The following MACROD2 variants were observed in gnomAD, a reference collection of about 807,000 sequenced individuals.
MACROD2 encodes the protein mono-ADP ribosylhydrolase 2.
Under a neutral mutation model 70.4 loss-of-function variants are expected in MACROD2, and 36 were observed. That is an observed-to-expected ratio of 0.51 (90% confidence interval 0.39 to 0.68). MACROD2 has a LOEUF of 0.68. MACROD2 is among the 30% of genes least tolerant of loss of function. The pLI is 0.00. For synonymous variants in MACROD2, 172 were observed against 178.8 expected, an observed-to-expected ratio of 0.96 and a Z score of 0.30; for missense variants, 496 against 538.4, an observed-to-expected ratio of 0.92 and a Z score of 0.78.
intron 5 of MACROD2, among the ~76,000 whole-genome samples, chr20:14,898,466 C>T (rs368686275): frequency 4.1e-4 from 63 of 152,236 alleles, no homozygotes; most frequent in Middle Eastern, 3.4e-3. Flanking sequence ...CCGTGGCTCA[C>T]GCGTATAATC....
chr20:15,732,570 G>A (rs1460065789), intron 8 of MACROD2, among the ~76,000 whole-genome samples: 1 of 152,148 alleles, frequency 6.6e-6, no homozygotes, highest in East Asian at 1.9e-4. Context: ...TTTATTTAAT[G>A]AATTAGAATA....
chr20:15,187,084 G>T (rs561889577), intron 5 of MACROD2, among the ~76,000 whole-genome samples: 1 of 152,150 alleles, frequency 6.6e-6, no homozygotes, highest in East Asian at 1.9e-4. Context: ...AAGAGCCAGC[G>T]ACATGATTGA....
chr20:15,146,940 T>C (rs771098139), intron 5 of MACROD2, among the ~76,000 whole-genome samples: 6 of 152,196 alleles, frequency 3.9e-5, no homozygotes, highest in Non-Finnish European at 7.3e-5. Flanking sequence ...GCCTTACTTG[T>C]TTCAATCATT....
chr20:15,341,770 A>G (rs530800239), intron 6 of MACROD2, among the ~76,000 whole-genome samples: 1 of 152,294 alleles, frequency 6.6e-6, no homozygotes, highest in East Asian at 1.9e-4. Flanking sequence ...AGGCATTAAG[A>G]CTATGCATGG....
chr20:15,300,040 A>G (rs1335584071), intron 6 of MACROD2, among the ~76,000 whole-genome samples: 2 of 152,210 alleles, frequency 1.3e-5, no homozygotes, highest in Non-Finnish European at 2.9e-5. Context: ...CACTTGACGT[A>G]GTCCATGATA....
At chr20:15,740,892 C>G (rs879904706) in intron 8 of MACROD2, among the ~76,000 whole-genome samples, 3 of 152,014 alleles carry the variant, frequency 2.0e-5, no homozygotes, top group Admixed American at 6.6e-5. Flanking sequence ...ATCTCCACTG[C>G]TCGCGTGCTA....
At chr20:14,535,665 A>C (rs2085355696) in intron 4 of MACROD2, among the ~76,000 whole-genome samples, 1 of 152,102 alleles carries the variant, frequency 6.6e-6, no homozygotes, top group Admixed American at 6.6e-5. Flanking sequence ...GGGCAGAATT[A>C]ATTATGCATT....
At chr20:14,959,858 G>A (rs111456110) in intron 5 of MACROD2, among the ~76,000 whole-genome samples, 2 of 152,130 alleles carry the variant, frequency 1.3e-5, no homozygotes, top group African/African-American at 4.8e-5. Flanking sequence ...AAAAGGCCAC[G>A]ACTTTAGAAA....
intron 5 of MACROD2, among the ~76,000 whole-genome samples, chr20:15,177,901 C>T (rs1026345595): frequency 6.6e-5 from 10 of 150,956 alleles, no homozygotes; most frequent in African/African-American, 2.4e-4. Flanking sequence ...TTTGCTTACC[C>T]TAGATGCACA....
chr20:15,478,810 A>G (rs1248211916), intron 7 of MACROD2, among the ~76,000 whole-genome samples: 2 of 152,186 alleles, frequency 1.3e-5, no homozygotes, highest in Non-Finnish European at 2.9e-5. Context: ...CCTTGGAAAG[A>G]TTCAAGAGAC....
intron 3 of MACROD2, among the ~76,000 whole-genome samples, chr20:14,332,117 A>G (rs999184596): frequency 3.3e-5 from 5 of 152,274 alleles, no homozygotes; most frequent in African/African-American, 1.2e-4. Context: ...AAAAGAAGAA[A>G]AACATAACCA....
In MACROD2 at chr20:15,171,756, A is replaced by G. The variant is rs907421950; in HGVS notation, c.419-58184A>G. On this transcript the variant is annotated intron_variant, in intron 5 of 17. Transcript: ENST00000684519. The stretch of plus-strand genomic sequence containing the variant: ...TCCTCCTTCTATCCCATTATTCTCT[A>G]TCACTGTGTTTTGTTCTGAAATCCT... Among the ~76,000 whole-genome samples the G allele has an allele frequency of 1.1e-4, 16 of 152,264 alleles. No individual in the cohort carries two copies. In the East Asian group the frequency reaches 3.1e-3, roughly 30 times the overall value.
intron 5 of MACROD2, among the ~76,000 whole-genome samples, chr20:15,091,846 C>T (rs557263283): frequency 2.6e-5 from 4 of 152,230 alleles, no homozygotes; most frequent in Non-Finnish European, 5.9e-5. Context: ...TCTGGCAATG[C>T]ATTATTCACT....
chr20:14,257,246 C>G (rs763269901), intron 3 of MACROD2, among the ~76,000 whole-genome samples: 9 of 151,322 alleles, frequency 5.9e-5, no homozygotes, highest in Non-Finnish European at 1.3e-4. Flanking sequence ...CTTCTCTTCT[C>G]TTGGCTAGGC....
intron 3 of MACROD2, among the ~76,000 whole-genome samples, chr20:14,176,274 A>G (rs949005739): frequency 6.6e-6 from 1 of 152,220 alleles, no homozygotes; most frequent in Non-Finnish European, 1.5e-5. Context: ...AAGTCTTCAA[A>G]ATAATTAAAA....
chr20:15,335,079 C>T (rs542960330), intron 6 of MACROD2, among the ~76,000 whole-genome samples: 4 of 151,814 alleles, frequency 2.6e-5, no homozygotes, highest in African/African-American at 9.7e-5. Context: ...TGTTTTCTTA[C>T]AGCAGGGAAA....
At chr20:15,620,261 A>C (rs1306370986) in intron 8 of MACROD2, among the ~76,000 whole-genome samples, 2 of 152,062 alleles carry the variant, frequency 1.3e-5, no homozygotes, top group African/African-American at 2.4e-5. Context: ...GGTGGAAGAG[A>C]ATGAAGTTTT....
chr20:14,324,730 G>T (rs1338556659), intron 3 of MACROD2: 1 of 151,898 alleles, frequency 6.6e-6, no homozygotes, highest in South Asian at 2.1e-4. Flanking sequence ...ATGCAGTTTT[G>T]GTATTTGTGT....
intron 7 of MACROD2, among the ~76,000 whole-genome samples, chr20:15,443,314 A>C (rs762373743): frequency 8.5e-5 from 13 of 152,058 alleles, no homozygotes; most frequent in Non-Finnish European, 1.6e-4. Context: ...ACAGAGAAAG[A>C]GAGAGAAAAT....
Sources: gnomAD v4.1 joint callset for allele counts (sites outside exome capture counted in the v4.1 genomes callset) on GRCh38, gnomAD v4.1.1 for gene constraint, MANE v1.5 for transcripts, NCBI Gene and HGNC (gene_info 2026-07-23, HGNC 2026-07-21) for gene names.